TAOK1: variants seen among roughly 807,000 people sequenced by gnomAD.
TAOK1 encodes the protein serine/threonine-protein kinase TAO1.
TAOK1 carries 21 observed loss-of-function variants against 138.3 expected under a neutral mutation model. That is an observed-to-expected ratio of 0.15 (90% CI 0.11 to 0.22). The LOEUF (loss-of-function observed/expected upper bound fraction) is 0.22, where lower values mean the gene tolerates loss of function less well. Ranked by LOEUF, TAOK1 falls within the 10% of genes least tolerant of loss-of-function variation. The probability of loss-of-function intolerance (pLI) is 1.00; values close to 1 mark genes in which losing one functional copy is unlikely to be tolerated. For synonymous variants in TAOK1, 361 were observed against 398.4 expected (o/e 0.91, Z 1.12); for missense variants, 651 against 1,227.7 (o/e 0.53, Z 7.02).
intron 1 of TAOK1, among the ~76,000 whole-genome samples, chr17:29,395,599 A>G (rs956029453): frequency 1.3e-5 from 2 of 151,562 alleles, no homozygotes; most frequent in African/African-American, 4.8e-5. Flanking sequence ...TGAGATGTTC[A>G]TTAAGCAGAG....
At position 29,467,233 on chromosome 17, in the gene TAOK1, C is replaced by T; in HGVS notation, c.204+17C>T. ...TCTACTGAGGTAGGTTAAATATGTACATTCTTGTTTTTTTCTTATATTTAT... is the reference window on the plus strand; with the variant it reads ...TCTACTGAGGTAGGTTAAATATGTATATTCTTGTTTTTTTCTTATATTTAT... On this transcript the variant is annotated intron_variant, in intron 3 of 19. Coordinates refer to ENST00000261716, the MANE Select transcript of TAOK1 (RefSeq NM_020791.4). The T allele has an allele frequency of 6.6e-7, 1 of 1,504,506 alleles. No individual in the cohort carries two copies. Among genetic ancestry groups the T allele is most frequent in the Non-Finnish European group, 9.1e-7 (1 of 1,102,796 alleles). 93.2% of individuals were successfully genotyped at this position (1,504,506 alleles called of 1,614,324 possible). A position where few individuals can be genotyped will look rare whatever the true frequency, so the allele number is the denominator to read the frequency against.
chr17:29,467,976 G>A (rs1038129135), intron 3 of TAOK1, among the ~76,000 whole-genome samples: 17 of 150,636 alleles, frequency 1.1e-4, no homozygotes, highest in African/African-American at 3.9e-4. Context: ...ACAGTTGTGC[G>A]CCACCACACC....
chr17:29,503,256 C>T (rs1213424475), intron 13 of TAOK1, among the ~76,000 whole-genome samples: 6 of 151,722 alleles, frequency 4.0e-5, no homozygotes, highest in Admixed American at 2.0e-4. Context: ...ATTAGCCGGG[C>T]GTGGTGGCAG....
At chr17:29,517,383 G>A (rs762798575) in intron 15 of TAOK1, 70 bp from the exon 16 acceptor site, 54 of 1,479,984 alleles carry the variant, frequency 3.6e-5, no homozygotes, top group Non-Finnish European at 4.9e-5. Flanking sequence ...GCCTCCCAGA[G>A]TGCTGGGATT....
chr17:29,450,719 T>G (rs2153024190), intron 1 of TAOK1, among the ~76,000 whole-genome samples: 1 of 152,252 alleles, frequency 6.6e-6, no homozygotes, highest in African/African-American at 2.4e-5. Flanking sequence ...TCTTACCATA[T>G]TACCCAGGCT....
chr17:29,526,913 G>A (rs1013034399), intron 17 of TAOK1, among the ~76,000 whole-genome samples: 18 of 149,836 alleles, frequency 1.2e-4, no homozygotes, highest in Non-Finnish European at 1.9e-4. Context: ...CAGATCACAA[G>A]GTCAGGAGAT....
chr17:29,531,720 G>C (rs1397606226), intron 18 of TAOK1, among the ~76,000 whole-genome samples: 4 of 150,910 alleles, frequency 2.7e-5, no homozygotes, highest in Non-Finnish European at 5.9e-5. Context: ...CCGAGATTGC[G>C]CCATTGCACT....
At chr17:29,403,003 A>C (rs914210769) in intron 1 of TAOK1, among the ~76,000 whole-genome samples, 6 of 151,760 alleles carry the variant, frequency 4.0e-5, no homozygotes, top group Non-Finnish European at 7.4e-5. Flanking sequence ...CAAAAAAAAA[A>C]AAACAAAATT....
chr17:29,460,522 A>C (rs2030506819), intron 2 of TAOK1, among the ~76,000 whole-genome samples: 1 of 152,184 alleles, frequency 6.6e-6, no homozygotes, highest in South Asian at 2.1e-4. Context: ...GTATGACTGA[A>C]GTTGGTATGC....
At chr17:29,397,833 ATG>A (rs1160375479) in intron 1 of TAOK1, among the ~76,000 whole-genome samples, 5 of 150,588 alleles carry the variant, frequency 3.3e-5, no homozygotes, top group African/African-American at 9.8e-5. Context: ...ATGTATATAT[ATG>A]TGTATATATA....
At chr17:29,450,052 CTTTCCTTTCCTTTTTATTTCCTT>C (rs2030193666) in intron 1 of TAOK1, among the ~76,000 whole-genome samples, 1 of 151,532 alleles carries the variant, frequency 6.6e-6, no homozygotes, top group South Asian at 2.1e-4. Context: ...CTTTTCTTTT[CTTTCCTTTCCTTTTTATTTCCTT>C]TTTCCTTTCC....
chr17:29,435,520 A>G (rs983278529), intron 1 of TAOK1, among the ~76,000 whole-genome samples: 5 of 151,752 alleles, frequency 3.3e-5, no homozygotes, highest in African/African-American at 4.9e-5. Flanking sequence ...TGAAACACCT[A>G]TGAGTTGGGT....
At chr17:29,421,278 C>T (rs542934100) in intron 1 of TAOK1, among the ~76,000 whole-genome samples, 1 of 152,196 alleles carries the variant, frequency 6.6e-6, no homozygotes, top group African/African-American at 2.4e-5. Flanking sequence ...TTGATTTTTA[C>T]TCCTGAGAGG....
At chr17:29,397,781 G>A (rs1028050472) in intron 1 of TAOK1, among the ~76,000 whole-genome samples, 1 of 142,008 alleles carries the variant, frequency 7.0e-6, no homozygotes, top group Non-Finnish European at 1.5e-5. Context: ...ATGTATATTC[G>A]TGTGTATATA....
chr17:29,395,824 ATTTT>A (rs1187461666), intron 1 of TAOK1, among the ~76,000 whole-genome samples: 9 of 72,104 alleles, frequency 1.2e-4, no homozygotes, highest in African/African-American at 4.5e-4. Flanking sequence ...CGTCTGGCTA[ATTTT>A]TTTTTTTTTT....
In TAOK1 at chr17:29,510,877, C is replaced by T; in HGVS notation, c.1589C>T (p.Ser530Phe). ...AAMEKEAKVM[S>F]NEEKKFQQHI... ...AACTTCATATAGGCTAAAGTGATGT[C>T]CAATGAAGAGAAAAAATTTCAGCAA... The change falls in exon 15 of 20, where the codon TCC (serine) becomes TTC (phenylalanine). Residue 530 changes from serine to phenylalanine, a missense_variant. Around this residue, in one of 8 missense-constraint regions of TAOK1, gnomAD observed 258 missense variants for 548.9 expected, o/e 0.47. Transcript: ENST00000261716. 1 of 1,601,996 alleles carries T rather than the reference C, an allele frequency of 6.2e-7. No individual in the cohort carries two copies. The highest frequency in any genetic ancestry group is 8.5e-7 in the Non-Finnish European group (1 of 1,175,120).
Position 29,546,680 on chromosome 17 carries a change from T to C in TAOK1, c.*3658T>C, listed in dbSNP as rs1235493084. On this transcript the variant is annotated 3_prime_UTR_variant, in exon 20 of 20. Transcript: ENST00000261716. ...GTATTAAATATGCACATTTTTGGTA[T>C]AGCTATTATCATTTGTATGTATATA... 1.3e-5 allele frequency: 2 copies of C among 152,224 alleles called. No homozygotes were observed. The highest frequency in any genetic ancestry group is 1.9e-4 in the East Asian group (1 of 5,182). 9.4% of individuals were successfully genotyped at this position (152,224 alleles called of 1,614,324 possible). A position where few individuals can be genotyped will look rare whatever the true frequency, so the allele number is the denominator to read the frequency against.
At chr17:29,399,880 C>A (rs1182801981) in intron 1 of TAOK1, among the ~76,000 whole-genome samples, 1 of 151,988 alleles carries the variant, frequency 6.6e-6, no homozygotes, top group East Asian at 1.9e-4. Flanking sequence ...CAGGCGTGCA[C>A]CACCACACCT....
chr17:29,550,727 A>G lies in TAOK1; in HGVS notation c.*7705A>G, dbSNP rs995620662. The G allele has an allele frequency of 1.3e-5, 2 of 152,220 alleles. No homozygotes were observed. Among genetic ancestry groups the G allele is most frequent in the Non-Finnish European group, 2.9e-5 (2 of 68,028 alleles). The allele number at this position is 152,220 out of a possible 1,614,324, so 9.4% of individuals were successfully genotyped here. A position where few individuals can be genotyped will look rare whatever the true frequency, so the allele number is the denominator to read the frequency against. ...TGGTTTCTACTTTTACCAGTCACCC[A>G]AACATATTTATGTTTTTAGTTTTAT... On this transcript the variant is annotated 3_prime_UTR_variant, in exon 20 of 20. Transcript: ENST00000261716.
Sources: gnomAD v4.1 joint callset for allele counts (sites outside exome capture counted in the v4.1 genomes callset) on GRCh38, gnomAD v4.1.1 for gene constraint, gnomAD v4.1.1 regional missense constraint, MANE v1.5 for transcripts, NCBI Gene and HGNC (gene_info 2026-07-23, HGNC 2026-07-21) for gene names.